NME7: variants seen among roughly 807,000 people sequenced by gnomAD.
The protein encoded by NME7 is nucleoside diphosphate kinase 7.
Under a neutral mutation model 49.1 loss-of-function variants are expected in NME7, and 41 were observed. The observed-to-expected ratio is 0.83, with a 90% confidence interval of 0.65 to 1.08. The LOEUF is 1.08. Ranked by LOEUF, NME7 falls within the 50% of genes least tolerant of loss-of-function variation. The pLI, the probability that NME7 is intolerant of heterozygous loss-of-function variation, is 0.00. For synonymous variants in NME7, 139 were observed against 150.6 expected, an observed-to-expected ratio of 0.92 and a Z score of 0.56; for missense variants, 423 against 463.4, an observed-to-expected ratio of 0.91 and a Z score of 0.80.
intron 4 of NME7, among the ~76,000 whole-genome samples, chr1:169,307,747 C>T (rs546873564): frequency 2.6e-4 from 40 of 152,194 alleles, no homozygotes; most frequent in Non-Finnish European, 4.3e-4. Context: ...AAGCCAGGCG[C>T]GGTGGCTCAT....
Position 169,272,588 on chromosome 1 carries a change from T to C in NME7, c.754+14715A>G, listed in dbSNP as rs1297181348. ...GAGTCAGTTTGCTGAGGATAATGGC[T>C]TCCAGCTCCATCCATGTCTCTGCAA... On this transcript the variant is annotated intron_variant, in intron 7 of 11. Coordinates refer to ENST00000367811, the MANE Select transcript of NME7 (RefSeq NM_013330.5). Among the ~76,000 whole-genome samples the C allele has an allele frequency of 2.3e-5, 3 of 132,556 alleles. 1 individual carries two copies. The highest frequency in any genetic ancestry group is 7.6e-5 in the African/African-American group (3 of 39,230). The allele number at this position is 132,556 out of a possible 152,430, so 87.0% of individuals were successfully genotyped here. A position where few individuals can be genotyped will look rare whatever the true frequency, so the allele number is the denominator to read the frequency against.
intron 5 of NME7, among the ~76,000 whole-genome samples, chr1:169,299,448 T>C (rs1489250136): frequency 6.6e-6 from 1 of 152,142 alleles, no homozygotes; most frequent in East Asian, 1.9e-4. Context: ...ATTTTCTACT[T>C]TTATATGTGT....
chr1:169,230,786 C>T lies in NME7; in HGVS notation c.922G>A (p.Val308Ile). The change falls in exon 10 of 12, where the codon GTA becomes ATA. Residue 308 changes from valine (V) to isoleucine (I), a missense_variant. Val to Ile is a conservative substitution (Grantham distance 29). Transcript: ENST00000367811. Reference protein sequence around the residue: ...MVTEMYSGPCVAMEIQQNNAT... With the variant: ...MVTEMYSGPCIAMEIQQNNAT... ...TTATTCTGTTGAATCTCCATTGCTA[C>T]ACAAGGGCCAGAATACATTTCTGTC... The T allele has an allele frequency of 6.2e-7, 1 of 1,606,344 alleles. No individual in the cohort carries two copies. The highest frequency in any genetic ancestry group is 8.5e-7 in the Non-Finnish European group (1 of 1,176,746).
At chr1:169,327,689 GT>G (rs1390947563) in intron 1 of NME7, among the ~76,000 whole-genome samples, 1 of 152,006 alleles carries the variant, frequency 6.6e-6, no homozygotes, top group Non-Finnish European at 1.5e-5. Flanking sequence ...ATTCATATAA[GT>G]TTTATAACAA....
intron 11 of NME7, among the ~76,000 whole-genome samples, chr1:169,137,591 C>T (rs540763357): frequency 6.6e-6 from 1 of 152,240 alleles, no homozygotes; most frequent in African/African-American, 2.4e-5. Flanking sequence ...AGGGCTTATG[C>T]TGTGGGGATG....
At chr1:169,291,195 A>G (rs1285330986) in intron 6 of NME7, among the ~76,000 whole-genome samples, 1 of 152,192 alleles carries the variant, frequency 6.6e-6, no homozygotes, top group Non-Finnish European at 1.5e-5. Context: ...ATTCTGTTGT[A>G]AAGACACATG....
At chr1:169,200,153 G>A (rs1005974230) in intron 10 of NME7, among the ~76,000 whole-genome samples, 6 of 151,988 alleles carry the variant, frequency 3.9e-5, no homozygotes, top group Non-Finnish European at 8.8e-5. Context: ...GGGGGAAAAG[G>A]TGTAAAATAA....
intron 10 of NME7, among the ~76,000 whole-genome samples, chr1:169,174,404 CTATTT>C (rs1659689694): frequency 1.3e-5 from 2 of 152,040 alleles, no homozygotes; most frequent in Admixed American, 6.6e-5. Flanking sequence ...AAATGCCCTT[CTATTT>C]AAGAAACAAA....
chr1:169,291,170 A>T (rs181393211), intron 6 of NME7, among the ~76,000 whole-genome samples: 242 of 152,312 alleles, frequency 1.6e-3, no homozygotes, highest in Non-Finnish European at 1.1e-3. Flanking sequence ...ATATACACCC[A>T]AAGGATTATA....
chr1:169,235,098 G>A lies in NME7; in HGVS notation c.888+33C>T, dbSNP rs140301383. 360 of 1,250,956 alleles carry A rather than the reference G, an allele frequency of 2.9e-4. No individual in the cohort carries two copies. The African/African-American group carries it at 4.8e-3, about 17-fold the overall frequency. The allele number at this position is 1,250,956 out of a possible 1,614,324, so 77.5% of individuals were successfully genotyped here. A position where few individuals can be genotyped will look rare whatever the true frequency, so the allele number is the denominator to read the frequency against. On this transcript the variant is annotated intron_variant, in intron 9 of 11. Coordinates refer to ENST00000367811, the MANE Select transcript of NME7 (RefSeq NM_013330.5). ...TGCATCCTATACTTTTCACTTAACA[G>A]TACAAATGTTTTACATTTACTTTTA...
rs568123974 is a variant in NME7, at chr1:169,363,190, G to C, written c.3+4518C>G. ...GGAGGTTGAGGCTGCAGTGAGCCAT[G>C]ATCTCACCACTACATTCCTGCTGGG... On this transcript the variant is annotated intron_variant, in intron 1 of 11. Transcript: ENST00000367811. Among the ~76,000 whole-genome samples, 5 of 152,140 alleles carry C rather than the reference G, an allele frequency of 3.3e-5. No homozygotes were observed. The South Asian group carries it at 1.0e-3, about 32-fold the overall frequency.
At chr1:169,354,000 T>G (rs775032264) in intron 1 of NME7, among the ~76,000 whole-genome samples, 3 of 152,040 alleles carry the variant, frequency 2.0e-5, no homozygotes, top group Non-Finnish European at 4.4e-5. Context: ...TAGAGCTTCT[T>G]CAAAAAACTA....
At chr1:169,149,392 T>G (rs1334749896) in intron 11 of NME7, among the ~76,000 whole-genome samples, 2 of 152,058 alleles carry the variant, frequency 1.3e-5, no homozygotes, top group African/African-American at 4.8e-5. Flanking sequence ...GAAGTTAATA[T>G]TTTAGTTACA....
At chr1:169,234,135 T>G (rs1189521982) in intron 9 of NME7, among the ~76,000 whole-genome samples, 2 of 152,188 alleles carry the variant, frequency 1.3e-5, no homozygotes, top group African/African-American at 4.8e-5. Flanking sequence ...TGACTCAGAA[T>G]TTTTAAGTCA....
intron 7 of NME7, among the ~76,000 whole-genome samples, chr1:169,276,816 T>C (rs537274447): frequency 1.3e-4 from 18 of 136,920 alleles, no homozygotes; most frequent in Non-Finnish European, 2.4e-4. Context: ...CTTTCTCTTG[T>C]GGCCATTTAG....
chr1:169,346,365 T>C (rs1212303240), intron 1 of NME7, among the ~76,000 whole-genome samples: 1 of 152,164 alleles, frequency 6.6e-6, no homozygotes, highest in Non-Finnish European at 1.5e-5. Context: ...TACTTTGCCT[T>C]AGCCACACTG....
intron 11 of NME7, among the ~76,000 whole-genome samples, chr1:169,138,916 G>T (rs1658509851): frequency 1.3e-5 from 2 of 152,056 alleles, no homozygotes; most frequent in Admixed American, 1.3e-4. Flanking sequence ...ATAACTAAAG[G>T]CTACAACTTT....
In NME7 at chr1:169,260,021, A is replaced by T. The variant is rs1262185084; in HGVS notation, c.755-22334T>A. 7.5e-5 allele frequency among the ~76,000 whole-genome samples: 10 copies of T among 133,886 alleles called. 2 individuals are homozygous for T. The highest frequency in any genetic ancestry group is 1.6e-4 in the Non-Finnish European group (9 of 56,812). 87.8% of individuals were successfully genotyped at this position (133,886 alleles called of 152,430 possible). On this transcript the variant is annotated intron_variant, in intron 7 of 11. Coordinates refer to ENST00000367811, the MANE Select transcript of NME7 (RefSeq NM_013330.5). ...AAACTGCTCTGGTGAAATAACTGGG[A>T]TGAGTAACTCACTTCCTATTTTGCA...
chr1:169,153,459 T>C (rs913364626), intron 11 of NME7, among the ~76,000 whole-genome samples: 1 of 152,156 alleles, frequency 6.6e-6, no homozygotes, highest in Non-Finnish European at 1.5e-5. Context: ...GTTCTTTTTC[T>C]GTGTGTATAA....
Sources: gnomAD v4.1 joint callset for allele counts (sites outside exome capture counted in the v4.1 genomes callset) on GRCh38, gnomAD v4.1.1 for gene constraint, MANE v1.5 for transcripts, NCBI Gene and HGNC (gene_info 2026-07-23, HGNC 2026-07-21) for gene names.